PCM1: variants seen among roughly 807,000 people sequenced by gnomAD.
The protein encoded by PCM1 is pericentriolar material 1.
PCM1 carries 157 observed loss-of-function variants against 241.9 expected under a neutral mutation model. The ratio of observed to expected loss-of-function variants is 0.65; its 90% CI spans 0.57 to 0.74. PCM1 has a LOEUF of 0.74. Ranked by LOEUF, PCM1 falls within the 30% of genes least tolerant of loss-of-function variation. PCM1 has a pLI of 0.00. For missense variants in PCM1, 3,478 were observed against 2,360.1 expected (o/e 1.47, Z -9.81); for synonymous variants, 1,085 against 784.9 (o/e 1.38, Z -6.39).
At chr8:17,975,768 A>G (rs1366650181) in intron 23 of PCM1, among the ~76,000 whole-genome samples, 1 of 152,190 alleles carries the variant, frequency 6.6e-6, no homozygotes, top group African/African-American at 2.4e-5. Flanking sequence ...TTTGTTTCCC[A>G]TGATGGTAAT....
rs1564429183 is a variant in PCM1 at position 18,018,903 on chromosome 8, TA to T, written c.5841+4064del. ...ATACACACACATATACATACACATA[TA>T]TATATATAAATATATAACATATAAT... On this transcript the variant is annotated intron_variant, in intron 36 of 38. Coordinates refer to ENST00000325083, the MANE Select transcript of PCM1 (RefSeq NM_006197.4). Among the ~76,000 whole-genome samples the T allele has an allele frequency of 2.1e-3, 275 of 128,366 alleles. 8 individuals are homozygous for T. Among genetic ancestry groups the T allele is most frequent in the South Asian group, 0.016 (66 of 4,148 alleles). The allele number at this position is 128,366 out of a possible 152,430, so 84.2% of individuals were successfully genotyped here. A position where few individuals can be genotyped will look rare whatever the true frequency, so the allele number is the denominator to read the frequency against.
Position 17,980,695 on chromosome 8 carries a change from A to G in PCM1, c.4048A>G (p.Lys1350Glu), listed in dbSNP as rs768083669. The change falls in exon 24 of 39, where the codon AAG becomes GAG. Residue 1350 changes from lysine (K) to glutamate (E), a missense_variant. Lys to Glu is a moderately conservative substitution (Grantham distance 56). Coordinates refer to ENST00000325083, the MANE Select transcript of PCM1 (RefSeq NM_006197.4). ...TGTTCAAGCAAAAGTATTCAGCAGA[A>G]AGAATCATGAGCAACTGGAAAAAAT... is the stretch of plus-strand genomic sequence containing the variant. ...EPVQAKVFSR[K>E]NHEQLEKIIK... The G allele has an allele frequency of 6.2e-7, 1 of 1,613,078 alleles. No individual in the cohort carries two copies.
Position 17,969,598 on chromosome 8 carries a change from T to G in PCM1, c.3434T>G (p.Phe1145Cys), listed in dbSNP as rs1331199977. Residue 1145 changes from phenylalanine to cysteine, a missense_variant, in exon 22 of 39, where the codon TTT becomes TGT. Coordinates refer to ENST00000325083, the MANE Select transcript of PCM1 (RefSeq NM_006197.4). Reference sequence around the variant, plus strand: ...TTAGGTATGAATTTCAGCCCTTTATTTCCTTCTAATTTTGGAGATTTTTCT... The same window carrying G: ...TTAGGTATGAATTTCAGCCCTTTATGTCCTTCTAATTTTGGAGATTTTTCT... ...FAPGMNFSPL[F>C]PSNFGDFSQN... 1.2e-6 allele frequency: 2 copies of G among 1,609,252 alleles called. No individual in the cohort carries two copies. Among genetic ancestry groups the G allele is most frequent in the Non-Finnish European group, 1.7e-6 (2 of 1,177,596 alleles).
intron 2 of PCM1, among the ~76,000 whole-genome samples, chr8:17,928,616 CTTTTTTTTTT>C (rs71215287): frequency 6.1e-5 from 5 of 82,570 alleles, no homozygotes; most frequent in African/African-American, 1.5e-4. Flanking sequence ...GTATCTCCCT[CTTTTTTTTTT>C]TTTTTTTTTT....
Position 17,971,207 on chromosome 8 carries a change from A to G in PCM1, c.3585-1122A>G, listed in dbSNP as rs1447868998. On this transcript the variant is annotated intron_variant, in intron 22 of 38. Coordinates refer to ENST00000325083, the MANE Select transcript of PCM1 (RefSeq NM_006197.4). ...AAAAGCCATTCTTAGCTCTCAGGTC[A>G]TATGGAAACAGGCAGCAGGCTGAAT... Among the ~76,000 whole-genome samples, 3 of 152,212 alleles carry G rather than the reference A, an allele frequency of 2.0e-5. No homozygotes were observed. The East Asian group carries it at 5.8e-4, about 29-fold the overall frequency.
intron 29 of PCM1, among the ~76,000 whole-genome samples, chr8:17,997,804 C>T (rs538000780): frequency 6.6e-6 from 1 of 151,262 alleles, no homozygotes; most frequent in African/African-American, 2.4e-5. Context: ...GGCGGGTGAT[C>T]ACTTGAGGTC....
chr8:17,942,724 G>A (rs1158801006), intron 6 of PCM1, among the ~76,000 whole-genome samples: 1 of 152,040 alleles, frequency 6.6e-6, no homozygotes. Context: ...GGCCGGGCAC[G>A]GTGGCTCACG....
intron 6 of PCM1, among the ~76,000 whole-genome samples, chr8:17,944,690 C>T (rs1362273859): frequency 6.6e-6 from 1 of 152,038 alleles, no homozygotes; most frequent in Non-Finnish European, 1.5e-5. Flanking sequence ...GTTATTACTC[C>T]TACCTAGATA....
intron 8 of PCM1, among the ~76,000 whole-genome samples, chr8:17,951,623 G>C (rs567732076): frequency 2.8e-4 from 43 of 152,102 alleles, no homozygotes; most frequent in African/African-American, 9.6e-4. Flanking sequence ...GTTTAAGAAG[G>C]ATCCCACTTA....
intron 6 of PCM1, among the ~76,000 whole-genome samples, chr8:17,941,950 A>C (rs1480953811): frequency 6.6e-6 from 1 of 152,118 alleles, no homozygotes; most frequent in African/African-American, 2.4e-5. Context: ...ATTAATTGTT[A>C]ATATAGTTGT....
At chr8:17,952,170 T>A (rs970931330) in intron 8 of PCM1, among the ~76,000 whole-genome samples, 5 of 151,620 alleles carry the variant, frequency 3.3e-5, no homozygotes, top group African/African-American at 1.2e-4. Flanking sequence ...TTTCAGTGAG[T>A]TGAGATCACG....
chr8:17,979,147 AAGC>A (rs955653627), intron 23 of PCM1, among the ~76,000 whole-genome samples: 3 of 151,972 alleles, frequency 2.0e-5, no homozygotes, highest in African/African-American at 4.8e-5. Context: ...AAAAAAAAAA[AAGC>A]AGTTATTTGA....
At chr8:17,963,316 T>G (rs1466652624) in intron 17 of PCM1, 25 bp downstream of exon 17, 13 of 1,543,658 alleles carry the variant, frequency 8.4e-6, no homozygotes, top group Non-Finnish European at 1.1e-5. Flanking sequence ...TAAATCACTT[T>G]TCTAAAAATG....
rs754672695 is a variant in PCM1, at chr8:17,938,720, G to A, written c.343-20G>A. ...CATAAGGTTAATGTTTGTGTGATTT[G>A]ATTTCTTTTTCATATATAGAGAAGC... On this transcript the variant is annotated intron_variant, in intron 4 of 38. Coordinates refer to ENST00000325083, the MANE Select transcript of PCM1 (RefSeq NM_006197.4). The A allele has an allele frequency of 1.8e-5, 28 of 1,589,950 alleles. No individual in the cohort carries two copies. The highest frequency in any genetic ancestry group is 2.2e-5 in the Non-Finnish European group (26 of 1,160,792).
chr8:17,923,515 C>G (rs771607013), intron 1 of PCM1, among the ~76,000 whole-genome samples: 2 of 152,152 alleles, frequency 1.3e-5, no homozygotes, highest in African/African-American at 2.4e-5. Flanking sequence ...ATACCCCTTG[C>G]GGGCGGAGGA....
chr8:17,947,175 T>C lies in PCM1; in HGVS notation c.784-11T>C. On this transcript the variant is annotated splice_polypyrimidine_tract_variant and intron_variant, in intron 6 of 38. Transcript: ENST00000325083. ...TAGTCAGATACAAGTATTGTTGGTC[T>C]TATTTTCCAGGCCAGAGATCCTCAG... 6.4e-7 allele frequency: 1 copy of C among 1,554,126 alleles called. No homozygotes were observed.
chr8:17,990,619 C>A (rs2084288214), intron 27 of PCM1, among the ~76,000 whole-genome samples: 1 of 151,858 alleles, frequency 6.6e-6, no homozygotes, highest in Admixed American at 6.6e-5. Flanking sequence ...TATGTAGATA[C>A]TTGATACGTT....
At chr8:17,959,891 G>C in intron 13 of PCM1, 123 bp from the exon 14 acceptor site, 1 of 850,484 alleles carries the variant, frequency 1.2e-6, no homozygotes, top group Non-Finnish European at 1.8e-6. Context: ...GTATACAAAC[G>C]TGCTTTCTTT....
chr8:18,012,506 A>G (rs990686617), intron 34 of PCM1, among the ~76,000 whole-genome samples: 3 of 152,184 alleles, frequency 2.0e-5, no homozygotes, highest in Non-Finnish European at 4.4e-5. Flanking sequence ...GTTTGGTGCT[A>G]TCCACAGTTT....
Sources: allele counts gnomAD v4.1 joint callset (sites outside exome capture counted in the v4.1 genomes callset), GRCh38; gene constraint gnomAD v4.1.1; transcripts MANE v1.5; gene names NCBI Gene and HGNC (gene_info 2026-07-23, HGNC 2026-07-21).